Variants in USP13 observed in about 807,000 individuals in gnomAD.
USP13 encodes ubiquitin specific peptidase 13.
A neutral mutation model predicts 107.8 loss-of-function variants in USP13; 68 were observed. The ratio of observed to expected loss-of-function variants is 0.63; its 90% confidence interval spans 0.52 to 0.77. USP13 has a LOEUF of 0.77. Ranked by LOEUF, USP13 falls within the 30% of genes least tolerant of loss-of-function variation. USP13 has a pLI of 0.00. For missense variants in USP13, 945 were observed against 1,093.3 expected (o/e 0.86, Z 1.91); for synonymous variants, 377 against 389.5 (o/e 0.97, Z 0.38).
In USP13 at chr3:179,784,184, T is replaced by C. The variant is rs780015136; in HGVS notation, c.*43T>C. 1 of 1,450,212 alleles carries C rather than the reference T, an allele frequency of 6.9e-7. No homozygotes were observed. Among genetic ancestry groups the C allele is most frequent in the African/African-American group, 1.4e-5 (1 of 69,242 alleles). 89.8% of individuals were successfully genotyped at this position (1,450,212 alleles called of 1,614,324 possible). A position where few individuals can be genotyped will look rare whatever the true frequency, so the allele number is the denominator to read the frequency against. Reference sequence around the variant, plus strand: ...TGGCGAAAAGAAGCCATACGCCTTTTTAATTTGCCAAAAAAAAAAAGAAGA... The same window carrying C: ...TGGCGAAAAGAAGCCATACGCCTTTCTAATTTGCCAAAAAAAAAAAGAAGA... On this transcript the variant is annotated 3_prime_UTR_variant, in exon 21 of 21. Coordinates refer to ENST00000263966, the MANE Select transcript of USP13 (RefSeq NM_003940.3).
chr3:179,665,930 G>A (rs1373086860), intron 1 of USP13, among the ~76,000 whole-genome samples: 1 of 152,140 alleles, frequency 6.6e-6, no homozygotes, highest in Non-Finnish European at 1.5e-5. Flanking sequence ...ATTTGTGAGA[G>A]GAGATTTTAG....
At chr3:179,760,982 A>G (rs1039028298) in intron 16 of USP13, 130 bp from the exon 17 acceptor site, 32 of 1,176,830 alleles carry the variant, frequency 2.7e-5, no homozygotes, top group Non-Finnish European at 3.6e-5. Context: ...TAAACAAAGT[A>G]AAACCATTAT....
intron 1 of USP13, among the ~76,000 whole-genome samples, chr3:179,657,411 T>TA (rs1418529311): frequency 1.4e-5 from 2 of 142,492 alleles, no homozygotes; most frequent in Admixed American, 7.0e-5. Context: ...TAAAATAAAA[T>TA]AAAAAAATTA....
chr3:179,775,845 C>A (rs1220994267), intron 19 of USP13, among the ~76,000 whole-genome samples: 2 of 152,186 alleles, frequency 1.3e-5, no homozygotes, highest in African/African-American at 2.4e-5. Flanking sequence ...TTCCTGCCTG[C>A]GCCTCTCCCT....
At chr3:179,661,097 C>T (rs1042689777) in intron 1 of USP13, among the ~76,000 whole-genome samples, 2 of 152,114 alleles carry the variant, frequency 1.3e-5, no homozygotes, top group Non-Finnish European at 2.9e-5. Flanking sequence ...TGGGAAAATG[C>T]CACTGTGTGC....
In USP13 at chr3:179,786,271, G is replaced by A. The variant is rs1410890333; in HGVS notation, c.*2130G>A. The A allele has an allele frequency of 6.6e-6, 1 of 152,192 alleles. No homozygotes were observed. Among genetic ancestry groups the A allele is most frequent in the East Asian group, 1.9e-4 (1 of 5,204 alleles). The allele number at this position is 152,192 out of a possible 1,614,324, so 9.4% of individuals were successfully genotyped here. ...CCACGTCAAAAATGGCTTGTTTTCA[G>A]CGATGTTATAAAACAAAGGCCTGTT... On this transcript the variant is annotated 3_prime_UTR_variant, in exon 21 of 21. Coordinates refer to ENST00000263966, the MANE Select transcript of USP13 (RefSeq NM_003940.3).
In USP13 at chr3:179,728,045, C is replaced by T. The variant is rs1418882770; in HGVS notation, c.1089-2144C>T. 2.9e-4 allele frequency among the ~76,000 whole-genome samples: 20 copies of T among 68,156 alleles called. 2 individuals carry two copies. Among genetic ancestry groups the T allele is most frequent in the African/African-American group, 8.4e-4 (20 of 23,670 alleles). 44.7% of individuals were successfully genotyped at this position (68,156 alleles called of 152,430 possible). On this transcript the variant is annotated intron_variant, in intron 8 of 20. Coordinates refer to ENST00000263966, the MANE Select transcript of USP13 (RefSeq NM_003940.3). Reference sequence around the variant, plus strand: ...GGGCTGATCCCCACCACCTCCCTCCCGGACGGGGCGGCTGGCCGGGCGGGG... The same window carrying T: ...GGGCTGATCCCCACCACCTCCCTCCTGGACGGGGCGGCTGGCCGGGCGGGG...
At chr3:179,694,799 C>CAAAGAAAAAAAAAAAAAAAAAAAA (rs1327789835) in intron 3 of USP13, among the ~76,000 whole-genome samples, 1 of 82,188 alleles carries the variant, frequency 1.2e-5, no homozygotes, top group African/African-American at 4.7e-5. Flanking sequence ...AACTCCATCT[C>CAAAGAAAAAAAAAAAAAAAAAAAA]AAAAAAAAAA....
At chr3:179,692,942 G>T (rs771737223) in intron 3 of USP13, among the ~76,000 whole-genome samples, 1 of 151,998 alleles carries the variant, frequency 6.6e-6, no homozygotes, top group Non-Finnish European at 1.5e-5. Context: ...TTTCAGTGAG[G>T]CTTTTTCTAC....
At position 179,720,050 on chromosome 3, in the gene USP13, G is replaced by C. The variant is rs768146748; in HGVS notation, c.900+16G>C. The C allele has an allele frequency of 6.2e-7, 1 of 1,607,596 alleles. No homozygotes were observed. On this transcript the variant is annotated intron_variant, in intron 7 of 20. Transcript: ENST00000263966. ...TATGCATGGGGTGAGGTCTCCTTTTGTTTCTGTTTCCATCTTGCATGGGGT... is the reference window on the plus strand; with the variant it reads ...TATGCATGGGGTGAGGTCTCCTTTTCTTTCTGTTTCCATCTTGCATGGGGT...
intron 10 of USP13, among the ~76,000 whole-genome samples, chr3:179,737,863 A>G (rs976871225): frequency 2.0e-5 from 3 of 152,222 alleles, no homozygotes; most frequent in African/African-American, 4.8e-5. Context: ...AGTGCTCTGC[A>G]TGAAGCAGGC....
In USP13 at chr3:179,745,741, C is replaced by G. The variant is rs147405055; in HGVS notation, c.1709+524C>G. ...TTAACTCCATAATTAAAGACTTAGT[C>G]TAGAACTTGGTTGGCTATGTTTCTC... is the stretch of plus-strand genomic sequence containing the variant. On this transcript the variant is annotated intron_variant, in intron 13 of 20. Transcript: ENST00000263966. Among the ~76,000 whole-genome samples the G allele has an allele frequency of 2.9e-4, 44 of 152,288 alleles. 3 individuals are homozygous for G. In the East Asian group the frequency reaches 8.3e-3, roughly 29 times the overall value.
rs970386036 is a variant in USP13 at position 179,786,215 on chromosome 3, G to C, written c.*2074G>C. The C allele has an allele frequency of 1.3e-5, 2 of 152,154 alleles. No individual in the cohort carries two copies. The highest frequency in any genetic ancestry group is 4.8e-5 in the African/African-American group (2 of 41,436). 9.4% of individuals were successfully genotyped at this position (152,154 alleles called of 1,614,324 possible). A position where few individuals can be genotyped will look rare whatever the true frequency, so the allele number is the denominator to read the frequency against. ...TACAAAATCCAGTCCCCTTAGGGCA[G>C]AGTGAGTGTCATAGAATAATGACTC... On this transcript the variant is annotated 3_prime_UTR_variant, in exon 21 of 21. Coordinates refer to ENST00000263966, the MANE Select transcript of USP13 (RefSeq NM_003940.3).
intron 19 of USP13, among the ~76,000 whole-genome samples, chr3:179,768,118 C>T (rs1715234743): frequency 6.6e-6 from 1 of 152,350 alleles, no homozygotes; most frequent in East Asian, 1.9e-4. Context: ...TCACTTATTA[C>T]ACATCCATCA....
intron 7 of USP13, among the ~76,000 whole-genome samples, chr3:179,720,342 C>G (rs191405800): frequency 6.6e-6 from 1 of 152,066 alleles, no homozygotes; most frequent in African/African-American, 2.4e-5. Flanking sequence ...TCTTTGTTCG[C>G]GAAACGCAGA....
intron 10 of USP13, among the ~76,000 whole-genome samples, chr3:179,733,929 C>T (rs1713897097): frequency 6.6e-6 from 1 of 152,166 alleles, no homozygotes; most frequent in Admixed American, 6.6e-5. Flanking sequence ...TGTTTTTGAT[C>T]ACCGCATTAT....
chr3:179,767,987 G>A (rs183570254), intron 19 of USP13, among the ~76,000 whole-genome samples: 54 of 152,134 alleles, frequency 3.5e-4, no homozygotes, highest in Admixed American at 3.4e-3. Context: ...ATGAGATGTC[G>A]TTCTCCCAAT....
At chr3:179,720,564 G>A (rs1019685579) in intron 7 of USP13, among the ~76,000 whole-genome samples, 4 of 152,078 alleles carry the variant, frequency 2.6e-5, no homozygotes, top group Non-Finnish European at 4.4e-5. Context: ...TGTGCGTTTC[G>A]TTTTAGCCCT....
chr3:179,689,585 G>A (rs1712028245), intron 2 of USP13, among the ~76,000 whole-genome samples: 2 of 151,850 alleles, frequency 1.3e-5, no homozygotes, highest in African/African-American at 4.8e-5. Flanking sequence ...TTGAACCCAG[G>A]AGGCGGAGGT....
Sources: gnomAD v4.1 joint callset for allele counts (sites outside exome capture counted in the v4.1 genomes callset) on GRCh38, gnomAD v4.1.1 for gene constraint, MANE v1.5 for transcripts, NCBI Gene and HGNC (gene_info 2026-07-23, HGNC 2026-07-21) for gene names.